Variants in PCDHA2 observed in about 807,000 individuals in gnomAD.
PCDHA2 encodes the protein protocadherin alpha 2.
In PCDHA2, 58 loss-of-function variants were observed where a neutral mutation model predicts 66.0. That is an observed-to-expected ratio of 0.88 (90% CI 0.71 to 1.09). The LOEUF is 1.09. PCDHA2 is among the 50% of genes least tolerant of loss of function. PCDHA2 has a pLI of 0.00. For missense variants in PCDHA2, 1,267 were observed against 1,242.3 expected (o/e 1.02, Z -0.30); for synonymous variants, 634 against 554.0 (o/e 1.14, Z -2.03).
At chr5:140,854,994 G>A (rs1261400565) in intron 1 of PCDHA2, among the ~76,000 whole-genome samples, 3 of 149,538 alleles carry the variant, frequency 2.0e-5, no homozygotes, top group Non-Finnish European at 4.5e-5. Context: ...CTTTTTGCCC[G>A]TGTAAGATAT....
At chr5:140,918,237 T>C (rs2078587640) in intron 1 of PCDHA2, among the ~76,000 whole-genome samples, 2 of 152,240 alleles carry the variant, frequency 1.3e-5, no homozygotes, top group Admixed American at 1.3e-4. Context: ...TGTACATTGA[T>C]TTTGTATGCT....
rs114871728 is a variant in PCDHA2, at chr5:140,922,694, C to T, written c.2389-56255C>T. The stretch of plus-strand genomic sequence containing the variant: ...GTAAAAAAGTGAACAGGCTCTGCTT[C>T]CATACAGTCAAGAACAAAAAGAAAC... On this transcript the variant is annotated intron_variant, in intron 1 of 3. Transcript: ENST00000526136. Among the ~76,000 whole-genome samples, 1,199 of 152,172 alleles carry T rather than the reference C, an allele frequency of 7.9e-3. 5 individuals carry two copies. The highest frequency in any genetic ancestry group is 0.018 in the African/African-American group (768 of 41,520).
intron 1 of PCDHA2, chr5:140,822,621 T>A (rs1767369085): frequency 6.2e-7 from 1 of 1,611,630 alleles, no homozygotes; most frequent in African/African-American, 1.3e-5. Context: ...TCTTTAGTAA[T>A]CTTGTTCTTG....
chr5:140,857,802 T>C, intron 1 of PCDHA2: 1 of 1,596,456 alleles, frequency 6.3e-7, no homozygotes, highest in Non-Finnish European at 8.6e-7. Flanking sequence ...CGGTCGGTGG[T>C]TGCGGGTCAC....
chr5:140,809,935 T>G (rs1764570096), intron 1 of PCDHA2: 1 of 166,918 alleles, frequency 6.0e-6, no homozygotes, highest in Non-Finnish European at 1.3e-5. Context: ...ATAAATTGTA[T>G]GAAAGTGAAA....
intron 1 of PCDHA2, chr5:140,882,695 G>T: frequency 6.2e-7 from 1 of 1,614,192 alleles, no homozygotes; most frequent in Non-Finnish European, 8.5e-7. Flanking sequence ...AATAATCATT[G>T]CAGAATCTAG....
chr5:140,965,879 G>C (rs920261632), intron 1 of PCDHA2, among the ~76,000 whole-genome samples: 1 of 152,216 alleles, frequency 6.6e-6, no homozygotes, highest in Non-Finnish European at 1.5e-5. Flanking sequence ...ACTTGGCCGA[G>C]AGCAGAATTG....
intron 1 of PCDHA2, chr5:140,842,263 C>T: frequency 6.2e-7 from 1 of 1,611,084 alleles, no homozygotes; most frequent in Non-Finnish European, 8.5e-7. Context: ...AACAAGAAAA[C>T]TTATACAAAA....
rs2150258870 is a variant in PCDHA2, at chr5:140,836,371, C to G, written c.2388+39019C>G. On this transcript the variant is annotated intron_variant, in intron 1 of 3. Transcript: ENST00000526136. Reference sequence around the variant, plus strand: ...GGGGAGCCCTCGCTGACAGCCACAGCCACCGTGCTGGTGTCGCTGGTGGAA... The same window carrying G: ...GGGGAGCCCTCGCTGACAGCCACAGGCACCGTGCTGGTGTCGCTGGTGGAA... The G allele has an allele frequency of 3.1e-3, 4,936 of 1,613,708 alleles. 180 individuals are homozygous for G. The African/African-American group carries it at 0.055, about 18-fold the overall frequency.
chr5:140,823,594 TC>T (rs2150127257), intron 1 of PCDHA2: 2 of 1,613,998 alleles, frequency 1.2e-6, no homozygotes, highest in Non-Finnish European at 1.7e-6. Context: ...CGCTTGGCTT[TC>T]GTATGAGCTG....
chr5:140,890,879 A>C (rs1448155644), intron 1 of PCDHA2, among the ~76,000 whole-genome samples: 2 of 152,112 alleles, frequency 1.3e-5, no homozygotes, highest in Non-Finnish European at 2.9e-5. Flanking sequence ...CTGACCTTTC[A>C]TCAGGGATTA....
intron 1 of PCDHA2, chr5:140,850,511 CG>C (rs1562470746): frequency 6.3e-7 from 1 of 1,598,154 alleles, no homozygotes; most frequent in Non-Finnish European, 8.6e-7. Flanking sequence ...TGGTGGAGAG[CG>C]GCCAGGCGCC....
At chr5:140,859,448 G>C (rs1434508059) in intron 1 of PCDHA2, 1 of 222,132 alleles carries the variant, frequency 4.5e-6, no homozygotes, top group African/African-American at 2.3e-5. Flanking sequence ...CTTAGTTGCA[G>C]AGTGACAAAA....
At chr5:141,001,144 C>T (rs1225047253) in intron 3 of PCDHA2, among the ~76,000 whole-genome samples, 3 of 151,960 alleles carry the variant, frequency 2.0e-5, no homozygotes, top group Non-Finnish European at 4.4e-5. Context: ...TCTTCTGTTG[C>T]TCTGATCTTA....
intron 1 of PCDHA2, chr5:140,834,522 C>G: frequency 6.2e-7 from 1 of 1,614,068 alleles, no homozygotes; most frequent in Non-Finnish European, 8.5e-7. Context: ...CTTCGTGGGC[C>G]GCATCGCGCA....
At chr5:140,874,633 C>T (rs1399730965) in intron 1 of PCDHA2, among the ~76,000 whole-genome samples, 3 of 152,208 alleles carry the variant, frequency 2.0e-5, no homozygotes, top group African/African-American at 7.2e-5. Flanking sequence ...CATTAAAGTG[C>T]TTTACTTTTG....
intron 1 of PCDHA2, among the ~76,000 whole-genome samples, chr5:140,937,309 T>G (rs1210222120): frequency 6.6e-6 from 1 of 152,102 alleles, no homozygotes; most frequent in African/African-American, 2.4e-5. Flanking sequence ...AGTGCTGGGA[T>G]TACAGGCGTG....
intron 1 of PCDHA2, among the ~76,000 whole-genome samples, chr5:140,941,230 T>C (rs536346214): frequency 7.3e-6 from 1 of 137,584 alleles, no homozygotes; most frequent in African/African-American, 2.9e-5. Context: ...TTTCTTTCTT[T>C]CTTTCTTTCT....
intron 1 of PCDHA2, among the ~76,000 whole-genome samples, chr5:140,878,484 A>G (rs1285844908): frequency 6.6e-6 from 1 of 152,190 alleles, no homozygotes; most frequent in African/African-American, 2.4e-5. Flanking sequence ...CAATTTAAAA[A>G]TATTTAACCA....
Sources: gnomAD v4.1 joint callset for allele counts (sites outside exome capture counted in the v4.1 genomes callset) on GRCh38, gnomAD v4.1.1 for gene constraint, MANE v1.5 for transcripts, NCBI Gene and HGNC (gene_info 2026-07-23, HGNC 2026-07-21) for gene names.